The following LIMD1 variants were observed in gnomAD, a reference collection of about 807,000 sequenced individuals.
LIMD1 encodes LIM domain containing 1, also known as LIM domain-containing protein 1.
A neutral mutation model predicts 58.4 loss-of-function variants in LIMD1; 23 were observed. That is an observed-to-expected ratio of 0.39 (90% CI 0.28 to 0.56). LIMD1 has a LOEUF of 0.56. Among genes scored for constraint, LIMD1 ranks in the 20% least tolerant of loss-of-function variants. The probability of loss-of-function intolerance (pLI) is 0.57; values close to 1 mark genes in which losing one functional copy is unlikely to be tolerated. For synonymous variants in LIMD1, 334 were observed against 345.5 expected, an observed-to-expected ratio of 0.97 and a Z score of 0.37; for missense variants, 838 against 855.5, an observed-to-expected ratio of 0.98 and a Z score of 0.25.
At chr3:45,605,971 G>A (rs1454996331) in intron 1 of LIMD1, among the ~76,000 whole-genome samples, 4 of 152,344 alleles carry the variant, frequency 2.6e-5, no homozygotes, top group East Asian at 1.9e-4. Flanking sequence ...TGTGGGCTCC[G>A]TGGATGCCTG....
chr3:45,615,331 G>A (rs1363066871), intron 1 of LIMD1, among the ~76,000 whole-genome samples: 1 of 152,160 alleles, frequency 6.6e-6, no homozygotes, highest in African/African-American at 2.4e-5. Flanking sequence ...CATGGTACAG[G>A]GAGGGCACCT....
At chr3:45,622,437 C>T (rs985270758) in intron 1 of LIMD1, among the ~76,000 whole-genome samples, 1 of 152,150 alleles carries the variant, frequency 6.6e-6, no homozygotes, top group African/African-American at 2.4e-5. Flanking sequence ...CTATGATAAA[C>T]TTTAAATTAC....
At chr3:45,649,477 C>T (rs1218407309) in intron 2 of LIMD1, among the ~76,000 whole-genome samples, 4 of 151,396 alleles carry the variant, frequency 2.6e-5, no homozygotes, top group Admixed American at 6.6e-5. Context: ...GTCAGAAGAT[C>T]GAGACCATCC....
chr3:45,646,613 G>T (rs1016005305), intron 2 of LIMD1, among the ~76,000 whole-genome samples: 2 of 151,624 alleles, frequency 1.3e-5, no homozygotes. Flanking sequence ...ATTAATTAAA[G>T]TTTAAATTTA....
intron 7 of LIMD1, among the ~76,000 whole-genome samples, chr3:45,674,763 C>T (rs916225354): frequency 1.3e-5 from 2 of 152,282 alleles, no homozygotes; most frequent in Non-Finnish European, 2.9e-5. Flanking sequence ...GGGACTCCCT[C>T]CCCTCCAGCT....
intron 1 of LIMD1, among the ~76,000 whole-genome samples, chr3:45,617,475 C>T (rs1217288206): frequency 1.3e-5 from 2 of 152,176 alleles, no homozygotes; most frequent in Admixed American, 6.5e-5. Flanking sequence ...GAACCCTGCC[C>T]AGTGCCCTAC....
intron 1 of LIMD1, among the ~76,000 whole-genome samples, chr3:45,618,754 G>A (rs370094659): frequency 3.3e-5 from 5 of 152,068 alleles, no homozygotes; most frequent in Non-Finnish European, 7.4e-5. Flanking sequence ...AACGATGCCC[G>A]AGGTCAGATC....
Position 45,594,836 on chromosome 3 carries a change from CACACACACG to C in LIMD1, c.-43_-35del. 1 of 1,196,696 alleles carries C rather than the reference CACACACACG, an allele frequency of 8.4e-7. No individual in the cohort carries two copies. The highest frequency in any genetic ancestry group is 1.2e-6 in the Non-Finnish European group (1 of 836,906). 74.1% of individuals were successfully genotyped at this position (1,196,696 alleles called of 1,614,324 possible). A position where few individuals can be genotyped will look rare whatever the true frequency, so the allele number is the denominator to read the frequency against. On this transcript the variant is annotated 5_prime_UTR_variant, in exon 1 of 8. Transcript: ENST00000273317. ...ACACACACACACACACACACACACA[CACACACACG>C]GCACCTGGGCTAGGCCCGGACACCT...
intron 1 of LIMD1, among the ~76,000 whole-genome samples, chr3:45,619,233 T>A (rs192243506): frequency 6.6e-6 from 1 of 152,258 alleles, no homozygotes; most frequent in Non-Finnish European, 1.5e-5. Context: ...GGTCTTGAAC[T>A]CCTGGGCTCA....
At chr3:45,673,884 T>G in intron 6 of LIMD1, 1 of 240,990 alleles carries the variant, frequency 4.1e-6, no homozygotes, top group Admixed American at 5.0e-5. Context: ...AGACCTTGTC[T>G]CCAAAAAAAA....
intron 4 of LIMD1, among the ~76,000 whole-genome samples, chr3:45,671,430 C>G (rs546533060): frequency 6.6e-6 from 1 of 152,278 alleles, no homozygotes; most frequent in Admixed American, 6.5e-5. Context: ...TGTGTGGGCT[C>G]CCACTGCTGG....
chr3:45,657,865 T>C (rs1195821859), intron 2 of LIMD1, among the ~76,000 whole-genome samples: 1 of 152,258 alleles, frequency 6.6e-6, no homozygotes, highest in Non-Finnish European at 1.5e-5. Context: ...TGTATCCTTG[T>C]ACTGCTCCAT....
intron 7 of LIMD1, among the ~76,000 whole-genome samples, chr3:45,674,874 G>T (rs531447228): frequency 6.6e-6 from 1 of 152,150 alleles, no homozygotes; most frequent in African/African-American, 2.4e-5. Context: ...GTGTGAAGGC[G>T]GGTGGGGTCC....
At chr3:45,655,512 C>T (rs1160740882) in intron 2 of LIMD1, among the ~76,000 whole-genome samples, 1 of 152,166 alleles carries the variant, frequency 6.6e-6, no homozygotes, top group Non-Finnish European at 1.5e-5. Flanking sequence ...AATGGAAGTG[C>T]CAGTTCAGAG....
intron 1 of LIMD1, among the ~76,000 whole-genome samples, chr3:45,613,228 A>G (rs76851666): frequency 0.013 from 1,915 of 152,342 alleles, 32 homozygotes; most frequent in African/African-American, 0.043. Context: ...TGAATCAACA[A>G]TATATACTAA....
intron 1 of LIMD1, among the ~76,000 whole-genome samples, chr3:45,600,001 C>T (rs542861437): frequency 6.6e-6 from 1 of 152,356 alleles, no homozygotes; most frequent in African/African-American, 2.4e-5. Flanking sequence ...CTCCAGACCA[C>T]TCCTCCCTTG....
chr3:45,645,383 A>G (rs1037530878), intron 2 of LIMD1, among the ~76,000 whole-genome samples: 3 of 152,224 alleles, frequency 2.0e-5, no homozygotes, highest in African/African-American at 7.2e-5. Flanking sequence ...GAGGTTTCGC[A>G]GTATATTGTA....
chr3:45,673,391 A>C, intron 5 of LIMD1, 63 bp from the exon 6 acceptor site: 1 of 1,338,406 alleles, frequency 7.5e-7, no homozygotes, highest in Admixed American at 1.7e-5. Flanking sequence ...TTCCAAGTGC[A>C]AGTCTGACTC....
intron 6 of LIMD1, 162 bp downstream of exon 6, chr3:45,673,667 CT>C (rs35737275): frequency 0.79 from 525,620 of 666,844 alleles, 208,945 homozygotes; most frequent in African/African-American, 0.92. Context: ...AATCCCACCC[CT>C]TTTAGGAGGC....
Sources: allele counts gnomAD v4.1 joint callset (sites outside exome capture counted in the v4.1 genomes callset), GRCh38; gene constraint gnomAD v4.1.1; transcripts MANE v1.5; gene names NCBI Gene and HGNC (gene_info 2026-07-23, HGNC 2026-07-21).